The following TRPA1 variants were observed in gnomAD, a reference collection of about 807,000 sequenced individuals.
TRPA1 encodes the protein ankyrin-like with transmembrane domains 1.
TRPA1 carries 129 observed loss-of-function variants against 131.3 expected under a neutral mutation model. The ratio of observed to expected loss-of-function variants is 0.98; its 90% confidence interval spans 0.85 to 1.14. The LOEUF is 1.14. Among genes scored for constraint, TRPA1 ranks in the 50% most tolerant of loss-of-function variants. The pLI is 0.00. For synonymous variants in TRPA1, 441 were observed against 451.7 expected (o/e 0.98, Z 0.30); for missense variants, 1,304 against 1,354.2 (o/e 0.96, Z 0.58).
At chr8:72,080,160 T>A (rs1806261443), upstream of TRPA1, among the ~76,000 whole-genome samples, 4 of 151,886 alleles carry the variant, frequency 2.6e-5, no homozygotes, top group Admixed American at 2.6e-4. Flanking sequence ...CAGTCACTGA[T>A]TAGAAGCTCT....
chr8:72,049,819 A>C (rs893098144), intron 15 of TRPA1, among the ~76,000 whole-genome samples: 2 of 152,218 alleles, frequency 1.3e-5, no homozygotes, highest in African/African-American at 4.8e-5. Flanking sequence ...AGTTTGGATA[A>C]AGTCATAATT....
At chr8:72,061,783 G>T (rs746964957) in intron 6 of TRPA1, 22 bp from the exon 7 acceptor site, 1 of 1,612,936 alleles carries the variant, frequency 6.2e-7, no homozygotes, top group East Asian at 2.2e-5. Flanking sequence ...TTTAATGCTA[G>T]AATCAATGTT....
Position 72,046,643 on chromosome 8 carries a change from CAGTT to C in TRPA1, c.1966-39_1966-36del, listed in dbSNP as rs759191378. ...ACAGAATTTTTTTTAAAAAAATGTA[CAGTT>C]AGTCAAGTATAGAATCCCCAAAGTA... On this transcript the variant is annotated intron_variant, in intron 16 of 26. Transcript: ENST00000262209. The C allele has an allele frequency of 2.6e-6, 3 of 1,157,522 alleles. No homozygotes were observed. In the East Asian group the frequency reaches 7.1e-5, roughly 27 times the overall value. 71.7% of individuals were successfully genotyped at this position (1,157,522 alleles called of 1,614,324 possible). A position where few individuals can be genotyped will look rare whatever the true frequency, so the allele number is the denominator to read the frequency against.
intron 15 of TRPA1, among the ~76,000 whole-genome samples, chr8:72,048,317 T>A (rs1805401112): frequency 6.6e-6 from 1 of 151,988 alleles, no homozygotes; most frequent in Non-Finnish European, 1.5e-5. Flanking sequence ...CATCAATGCA[T>A]CTAGGACCTC....
the TRPA1 span, among the ~76,000 whole-genome samples, chr8:72,087,946 GGGAACAGGAGCT>G: frequency 1.3e-5 from 2 of 152,140 alleles, no homozygotes; most frequent in Non-Finnish European, 2.9e-5. Context: ...CTCCCATTCT[GGGAACAGGAGCT>G]CCTTGTCCTT....
In TRPA1 at chr8:72,046,581, A is replaced by G. The variant is rs771274114; in HGVS notation, c.1993T>C (p.Cys665Arg). Residue 665 changes from cysteine (C) to arginine (R), a missense_variant, in exon 17 of 27, where the codon TGT (cysteine) becomes CGT (arginine). Physicochemically the swap from Cys to Arg is radical, Grantham distance 180. Transcript: ENST00000262209. ...YIEYNFKYLQ[C>R]PLEFTKKTPT... ...GTTTTTTTGGTGAATTCTAATGGAC[A>G]TTGAAGATATTTGAAATTATACTCG... 1 of 1,594,582 alleles carries G rather than the reference A, an allele frequency of 6.3e-7. No homozygotes were observed.
chr8:72,080,339 G>C (rs1361597570), upstream of TRPA1, among the ~76,000 whole-genome samples: 1 of 151,496 alleles, frequency 6.6e-6, no homozygotes, highest in Non-Finnish European at 1.5e-5. Flanking sequence ...ATCAAGAGTG[G>C]GTGTTTAATT....
chr8:72,062,722 G>T, intron 6 of TRPA1, 77 bp downstream of exon 6: 1 of 1,410,270 alleles, frequency 7.1e-7, no homozygotes, highest in Non-Finnish European at 1.0e-6. Context: ...TAAATTAACT[G>T]TAAAAGAGCT....
intron 4 of TRPA1, among the ~76,000 whole-genome samples, chr8:72,064,229 C>T (rs891645043): frequency 6.8e-6 from 1 of 147,440 alleles, no homozygotes; most frequent in African/African-American, 2.5e-5. Context: ...TATCAGTTTA[C>T]TCTATACATA....
Position 72,050,791 on chromosome 8 carries a change from G to T in TRPA1, c.1892C>A (p.Pro631His), listed in dbSNP as rs770961877. 6.2e-6 allele frequency: 10 copies of T among 1,609,684 alleles called. No homozygotes were observed. Among genetic ancestry groups the T allele is most frequent in the Non-Finnish European group, 8.5e-6 (10 of 1,176,972 alleles). ...CPITEMIEYL[P>H]ECMKVLLDFC... ...TAGAGAATTTACCTTCATGCATTCA[G>T]GGAGGTATTCTATCATTTCTGTAAT... Residue 631 changes from proline (P) to histidine (H), a missense_variant, in exon 15 of 27, where the codon CCT becomes CAT. By Grantham distance (77) the Pro-to-His change is moderately conservative. Transcript: ENST00000262209.
chr8:72,064,824 G>GAGA (rs1187185426), intron 4 of TRPA1, among the ~76,000 whole-genome samples: 1 of 24,908 alleles, frequency 4.0e-5, no homozygotes, highest in African/African-American at 6.2e-4. Flanking sequence ...GAGCACTGAG[G>GAGA]AAGTCATGTA....
intron 1 of TRPA1, among the ~76,000 whole-genome samples, chr8:72,072,323 T>G (rs1806081982): frequency 6.6e-6 from 1 of 152,202 alleles, no homozygotes; most frequent in Admixed American, 6.5e-5. Context: ...ATTAAGGTAT[T>G]TAATGTATCC....
At chr8:72,042,291 T>G (rs1585856801) in intron 17 of TRPA1, among the ~76,000 whole-genome samples, 1 of 151,964 alleles carries the variant, frequency 6.6e-6, no homozygotes, top group East Asian at 1.9e-4. Flanking sequence ...GCACTATTGT[T>G]TATGACTATT....
upstream of TRPA1, among the ~76,000 whole-genome samples, chr8:72,078,018 A>C (rs1180598182): frequency 6.6e-6 from 1 of 151,820 alleles, no homozygotes; most frequent in African/African-American, 2.4e-5. Context: ...AATAATAAAT[A>C]ATTTTATTTA....
chr8:72,082,839 CT>C, the TRPA1 span, among the ~76,000 whole-genome samples: 182 of 150,904 alleles, frequency 1.2e-3, no homozygotes, highest in Non-Finnish European at 2.1e-3. Flanking sequence ...TAGATTAATA[CT>C]TTTTTTTTCA....
intron 1 of TRPA1, among the ~76,000 whole-genome samples, chr8:72,074,461 A>AT (rs1397078339): frequency 6.6e-6 from 1 of 152,204 alleles, no homozygotes; most frequent in Non-Finnish European, 1.5e-5. Flanking sequence ...AATTCTTAAG[A>AT]AACTGTTAAC....
chr8:72,052,852 G>T, intron 13 of TRPA1, 87 bp from the exon 14 acceptor site: 2 of 1,498,380 alleles, frequency 1.3e-6, no homozygotes, highest in Non-Finnish European at 1.8e-6. Flanking sequence ...AGACATTAGC[G>T]ACACTATTTA....
At chr8:72,046,432 T>C (rs1420183270) in intron 17 of TRPA1, 81 bp downstream of exon 17, 1 of 802,224 alleles carries the variant, frequency 1.2e-6, no homozygotes, top group Non-Finnish European at 2.0e-6. Flanking sequence ...AATGTGCACA[T>C]GTACCCTAAA....
intron 25 of TRPA1, among the ~76,000 whole-genome samples, chr8:72,025,447 A>T (rs1227388654): frequency 6.6e-6 from 1 of 152,070 alleles, no homozygotes; most frequent in Non-Finnish European, 1.5e-5. Flanking sequence ...GAGTCAATTA[A>T]ACCTCTTTCC....
Sources: allele counts gnomAD v4.1 joint callset (sites outside exome capture counted in the v4.1 genomes callset), GRCh38; gene constraint gnomAD v4.1.1; transcripts MANE v1.5; gene names NCBI Gene and HGNC (gene_info 2026-07-23, HGNC 2026-07-21).